Variants in TENM4 observed in about 807,000 individuals in gnomAD.
The protein encoded by TENM4 is teneurin-4.
In TENM4, 82 loss-of-function variants were observed where a neutral mutation model predicts 243.3. The observed-to-expected ratio is 0.34, with a 90% CI of 0.28 to 0.40. The LOEUF (loss-of-function observed/expected upper bound fraction) is 0.40, where lower values mean the gene tolerates loss of function less well. Ranked by LOEUF, TENM4 falls within the 10% of genes least tolerant of loss-of-function variation. The probability of loss-of-function intolerance (pLI) is 1.00; values close to 1 mark genes in which losing one functional copy is unlikely to be tolerated. For missense variants in TENM4, 3,138 were observed against 3,673.3 expected, an observed-to-expected ratio of 0.85 and a Z score of 3.77; for synonymous variants, 1,412 against 1,456.3, an observed-to-expected ratio of 0.97 and a Z score of 0.69.
At chr11:79,059,544 C>T (rs1565186415) in intron 6 of TENM4, among the ~76,000 whole-genome samples, 1 of 152,194 alleles carries the variant, frequency 6.6e-6, no homozygotes, top group South Asian at 2.1e-4. Flanking sequence ...CTCACGGCAA[C>T]ACTTCAAGGA....
At chr11:79,320,036 G>A (rs1325177811) in intron 1 of TENM4, among the ~76,000 whole-genome samples, 2 of 152,162 alleles carry the variant, frequency 1.3e-5, no homozygotes, top group Non-Finnish European at 2.9e-5. Flanking sequence ...GAGGTTCCTG[G>A]CAGGGCAGGA....
intron 2 of TENM4, among the ~76,000 whole-genome samples, chr11:79,230,348 G>A (rs1461633340): frequency 6.6e-6 from 1 of 152,180 alleles, no homozygotes. Flanking sequence ...GAGCTTCGAA[G>A]CAGTGGCAAG....
chr11:78,943,806 A>C (rs1045876562), intron 6 of TENM4, among the ~76,000 whole-genome samples: 1 of 152,230 alleles, frequency 6.6e-6, no homozygotes, highest in Admixed American at 6.5e-5. Flanking sequence ...AGTTTTCTCC[A>C]TCTCCTATTC....
chr11:78,986,304 G>C (rs1857916264), intron 6 of TENM4, among the ~76,000 whole-genome samples: 1 of 152,182 alleles, frequency 6.6e-6, no homozygotes, highest in Non-Finnish European at 1.5e-5. Flanking sequence ...AACACATACT[G>C]TATTCCAGAC....
At chr11:79,334,595 T>C (rs1857117592) in intron 1 of TENM4, among the ~76,000 whole-genome samples, 1 of 152,130 alleles carries the variant, frequency 6.6e-6, no homozygotes, top group Non-Finnish European at 1.5e-5. Flanking sequence ...CCCTTGCCTG[T>C]CTCCAACCAT....
intron 1 of TENM4, among the ~76,000 whole-genome samples, chr11:79,383,065 C>T (rs1858038491): frequency 1.3e-5 from 2 of 152,170 alleles, no homozygotes; most frequent in South Asian, 4.1e-4. Flanking sequence ...CGCCATCCAT[C>T]TTCTGCCTTT....
At chr11:79,216,933 G>A (rs571285501) in intron 2 of TENM4, among the ~76,000 whole-genome samples, 32 of 152,280 alleles carry the variant, frequency 2.1e-4, no homozygotes, top group African/African-American at 6.7e-4. Context: ...CCTGGGCAGA[G>A]GTCCTTACGC....
chr11:78,787,010 C>T lies in TENM4; in HGVS notation c.2253G>A (p.Met751Ile), dbSNP rs771305818. The change falls in exon 16 of 34, where the codon ATG becomes ATA. Residue 751 changes from methionine (M) to isoleucine (I), a missense_variant. Met to Ile is a conservative substitution (Grantham distance 10, BLOSUM62 1). Coordinates refer to ENST00000278550, the MANE Select transcript of TENM4 (RefSeq NM_001098816.3). ...GGTCRCEDGW[M>I]GAACDQRACH... ...AGGCCCGCTGGTCGCAGGCTGCCCC[C>T]ATCCAGCCATCCTCGCAGCGGCAGG... is the stretch of plus-strand genomic sequence containing the variant. 1.5e-5 allele frequency: 24 copies of T among 1,567,972 alleles called. No homozygotes were observed. Among genetic ancestry groups the T allele is most frequent in the Non-Finnish European group, 2.0e-5 (23 of 1,156,510 alleles).
intron 5 of TENM4, chr11:79,067,756 TG>T (rs1406803650): frequency 1.3e-5 from 2 of 152,246 alleles, no homozygotes; most frequent in Non-Finnish European, 2.9e-5. Context: ...GAAGTCCTCA[TG>T]GTTTACTTGC....
intron 6 of TENM4, among the ~76,000 whole-genome samples, chr11:78,964,331 G>A (rs939507311): frequency 6.6e-6 from 1 of 152,044 alleles, no homozygotes; most frequent in Non-Finnish European, 1.5e-5. Flanking sequence ...GTGAGCCACC[G>A]TGCCTGGCCC....
intron 6 of TENM4, among the ~76,000 whole-genome samples, chr11:79,004,414 G>A (rs1051932948): frequency 2.6e-5 from 4 of 152,026 alleles, no homozygotes; most frequent in Admixed American, 1.3e-4. Flanking sequence ...TACCAACCAC[G>A]CTCTTGGACC....
chr11:78,797,412 A>G (rs1213612990), intron 15 of TENM4, among the ~76,000 whole-genome samples: 1 of 152,234 alleles, frequency 6.6e-6, no homozygotes, highest in Non-Finnish European at 1.5e-5. Context: ...ATTTTGTACA[A>G]GATATCAGCT....
intron 2 of TENM4, among the ~76,000 whole-genome samples, chr11:79,272,990 G>C (rs1340135834): frequency 6.6e-6 from 1 of 152,062 alleles, no homozygotes; most frequent in Non-Finnish European, 1.5e-5. Flanking sequence ...ATCTGCTCAG[G>C]GATGGTCCTA....
At chr11:79,238,156 ATTG>A in intron 2 of TENM4, among the ~76,000 whole-genome samples, 1 of 152,234 alleles carries the variant, frequency 6.6e-6, no homozygotes, top group East Asian at 1.9e-4. Flanking sequence ...TGCTGTCTGA[ATTG>A]TATTTCTCTA....
chr11:79,303,596 G>A (rs77823783), intron 1 of TENM4, among the ~76,000 whole-genome samples: 5,295 of 152,150 alleles, frequency 0.035, 135 homozygotes, highest in Non-Finnish European at 0.054. Flanking sequence ...TATTTGCCTC[G>A]TATTATAGAT....
intron 6 of TENM4, among the ~76,000 whole-genome samples, chr11:78,934,818 T>C (rs1218216421): frequency 6.6e-6 from 1 of 152,170 alleles, no homozygotes; most frequent in African/African-American, 2.4e-5. Context: ...AAAGCTGTCT[T>C]TATTCTCCTG....
chr11:78,850,074 T>G (rs1469115720), intron 12 of TENM4, among the ~76,000 whole-genome samples: 2 of 152,004 alleles, frequency 1.3e-5, no homozygotes, highest in Non-Finnish European at 2.9e-5. Context: ...TGTGTGTGTG[T>G]GTGTGTGTGT....
At chr11:79,238,535 C>A (rs1864522882) in intron 2 of TENM4, among the ~76,000 whole-genome samples, 1 of 152,184 alleles carries the variant, frequency 6.6e-6, no homozygotes, top group Non-Finnish European at 1.5e-5. Flanking sequence ...ATTACACTGG[C>A]TCCCCTGGTT....
Position 78,674,928 on chromosome 11 carries a change from C to T in TENM4, c.5496+1224G>A, listed in dbSNP as rs1345934048. 7.2e-5 allele frequency among the ~76,000 whole-genome samples: 11 copies of T among 151,914 alleles called. No individual in the cohort carries two copies. The South Asian group carries it at 1.0e-3, about 14-fold the overall frequency. On this transcript the variant is annotated intron_variant, in intron 30 of 33. Transcript: ENST00000278550. ...TCGCCCAGGCTGGAGTGCAGCGGCG[C>T]GATCTCGGCTCATTGCAACCTCTGC... is the stretch of plus-strand genomic sequence containing the variant.
Sources: allele counts gnomAD v4.1 joint callset (sites outside exome capture counted in the v4.1 genomes callset), GRCh38; gene constraint gnomAD v4.1.1; transcripts MANE v1.5; gene names NCBI Gene and HGNC (gene_info 2026-07-23, HGNC 2026-07-21).